The following TMPRSS12 variants were observed in gnomAD, a reference collection of about 807,000 sequenced individuals.
TMPRSS12 encodes the protein transmembrane protease serine 12.
A neutral mutation model predicts 26.0 loss-of-function variants in TMPRSS12; 25 were observed. The ratio of observed to expected loss-of-function variants is 0.96; its 90% CI spans 0.70 to 1.34. The LOEUF (loss-of-function observed/expected upper bound fraction) is 1.34. TMPRSS12 is among the 40% of genes most tolerant of loss of function. The pLI is 0.00. For synonymous variants in TMPRSS12, 150 were observed against 161.7 expected (o/e 0.93, Z 0.55); for missense variants, 441 against 440.1 (o/e 1.00, Z -0.02).
intron 3 of TMPRSS12, among the ~76,000 whole-genome samples, chr12:50,872,988 G>GTACATATATATGACGTATATATATGTAC (rs1565936183): frequency 2.0e-5 from 3 of 150,530 alleles, no homozygotes; most frequent in African/African-American, 7.3e-5. Flanking sequence ...GTATATATAT[G>GTACATATATATGACGTATATATATGTAC]ATGGAATACT....
At chr12:50,868,303 G>A (rs1025486947) in intron 3 of TMPRSS12, among the ~76,000 whole-genome samples, 13 of 152,046 alleles carry the variant, frequency 8.6e-5, no homozygotes, top group Non-Finnish European at 8.8e-5. Flanking sequence ...AGTGGAAAAA[G>A]GCATTTCATG....
At chr12:50,854,076 AC>A (rs1332399402) in intron 2 of TMPRSS12, among the ~76,000 whole-genome samples, 2 of 152,172 alleles carry the variant, frequency 1.3e-5, no homozygotes, top group Non-Finnish European at 2.9e-5. Flanking sequence ...GAAATACTCA[AC>A]AAAATACTGG....
chr12:50,855,379 C>G (rs1042513055), intron 2 of TMPRSS12, among the ~76,000 whole-genome samples: 1 of 152,000 alleles, frequency 6.6e-6, no homozygotes, highest in African/African-American at 2.4e-5. Flanking sequence ...CCAGACAACC[C>G]CATTTTAAAA....
chr12:50,859,109 G>T, intron 3 of TMPRSS12, 56 bp downstream of exon 3: 1 of 1,461,228 alleles, frequency 6.8e-7, no homozygotes, highest in South Asian at 1.5e-5. Flanking sequence ...GGCAGAGGAA[G>T]GTCAAACCTT....
At chr12:50,883,480 T>C (rs1024387663) in intron 3 of TMPRSS12, among the ~76,000 whole-genome samples, 1 of 152,064 alleles carries the variant, frequency 6.6e-6, no homozygotes, top group African/African-American at 2.4e-5. Context: ...TTGGGCCCAT[T>C]CAAGAATGGC....
At chr12:50,884,538 A>C (rs576860860) in intron 3 of TMPRSS12, among the ~76,000 whole-genome samples, 19 of 152,238 alleles carry the variant, frequency 1.2e-4, no homozygotes, top group Admixed American at 1.1e-3. Flanking sequence ...TGAGGATGTG[A>C]AGAATTTGAA....
At chr12:50,865,730 G>A (rs996230718) in intron 3 of TMPRSS12, among the ~76,000 whole-genome samples, 1 of 151,018 alleles carries the variant, frequency 6.6e-6, no homozygotes, top group Admixed American at 6.6e-5. Flanking sequence ...CTGAAATGTA[G>A]CCAGAGATAA....
chr12:50,872,619 A>ATATATGTACATATATATGACG (rs1938060402), intron 3 of TMPRSS12, among the ~76,000 whole-genome samples: 2 of 120,746 alleles, frequency 1.7e-5, no homozygotes, highest in Non-Finnish European at 3.6e-5. Flanking sequence ...TATATGACGT[A>ATATATGTACATATATATGACG]TATATGTACA....
intron 2 of TMPRSS12, among the ~76,000 whole-genome samples, chr12:50,852,166 C>T (rs1937831970): frequency 6.6e-6 from 1 of 152,158 alleles, no homozygotes. Flanking sequence ...AAGCTAACAA[C>T]ACAATGACAA....
intron 3 of TMPRSS12, among the ~76,000 whole-genome samples, chr12:50,870,761 AT>A (rs1285790589): frequency 6.8e-6 from 1 of 147,730 alleles, no homozygotes; most frequent in Non-Finnish European, 1.5e-5. Flanking sequence ...AAGTTTCCAG[AT>A]ACAAGATTAA....
intron 3 of TMPRSS12, among the ~76,000 whole-genome samples, chr12:50,881,520 G>A (rs905860406): frequency 1.3e-5 from 2 of 151,938 alleles, no homozygotes; most frequent in Admixed American, 6.6e-5. Flanking sequence ...CACATTTGGA[G>A]AATTCAAAAC....
chr12:50,847,686 A>G (rs1453683012), intron 2 of TMPRSS12, among the ~76,000 whole-genome samples: 1 of 151,924 alleles, frequency 6.6e-6, no homozygotes, highest in African/African-American at 2.4e-5. Flanking sequence ...ACCTGAGGTC[A>G]GAAGTTTGAG....
intron 3 of TMPRSS12, among the ~76,000 whole-genome samples, chr12:50,867,283 GA>G (rs1197201823): frequency 1.3e-5 from 2 of 152,080 alleles, no homozygotes; most frequent in African/African-American, 4.8e-5. Flanking sequence ...ATAGCATCAA[GA>G]AAAAACAAAA....
chr12:50,868,382 G>A (rs1938011144), intron 3 of TMPRSS12, among the ~76,000 whole-genome samples: 1 of 152,124 alleles, frequency 6.6e-6, no homozygotes. Context: ...TAATGCAATA[G>A]CAGTTAAAAA....
rs1406764828 is a variant in TMPRSS12 at position 50,843,827 on chromosome 12, CATT to C, written c.188-14_188-12del. The stretch of plus-strand genomic sequence containing the variant: ...TAGATGCTCAGTCCAAATAATATAT[CATT>C]TTTATTTTTAGATTGTGGAACAGCA... On this transcript the variant is annotated splice_polypyrimidine_tract_variant and intron_variant, in intron 1 of 4. Transcript: ENST00000398458. 6.5e-7 allele frequency: 1 copy of C among 1,548,012 alleles called. No homozygotes were observed. The highest frequency in any genetic ancestry group is 2.0e-5 in the Admixed American group (1 of 50,794).
At chr12:50,876,984 A>T (rs1418740780) in intron 3 of TMPRSS12, among the ~76,000 whole-genome samples, 1 of 152,102 alleles carries the variant, frequency 6.6e-6, no homozygotes, top group Non-Finnish European at 1.5e-5. Flanking sequence ...GTTCTCACTT[A>T]TAAGTGGGAG....
intron 3 of TMPRSS12, among the ~76,000 whole-genome samples, chr12:50,877,143 G>A (rs750776815): frequency 3.3e-5 from 5 of 152,100 alleles, no homozygotes; most frequent in Non-Finnish European, 7.3e-5. Flanking sequence ...CTGGGTGACA[G>A]GATCAGTTGT....
chr12:50,847,478 T>C (rs1937782037), intron 2 of TMPRSS12, among the ~76,000 whole-genome samples: 1 of 152,144 alleles, frequency 6.6e-6, no homozygotes, highest in African/African-American at 2.4e-5. Flanking sequence ...TTTATTTTTA[T>C]TTATTTTTAT....
intron 3 of TMPRSS12, among the ~76,000 whole-genome samples, chr12:50,871,595 G>A (rs1268679886): frequency 6.6e-6 from 1 of 152,110 alleles, no homozygotes; most frequent in Non-Finnish European, 1.5e-5. Flanking sequence ...ATAAATAGCT[G>A]GGACTTAATT....
Sources: gnomAD v4.1 joint callset for allele counts (sites outside exome capture counted in the v4.1 genomes callset) on GRCh38, gnomAD v4.1.1 for gene constraint, MANE v1.5 for transcripts, NCBI Gene and HGNC (gene_info 2026-07-23, HGNC 2026-07-21) for gene names.